CSMD3: variants seen among roughly 807,000 people sequenced by gnomAD.
The protein encoded by CSMD3 is CUB and Sushi multiple domains 3, also known as CUB and sushi domain-containing protein 3.
A neutral mutation model predicts 435.2 loss-of-function variants in CSMD3; 177 were observed. The ratio of observed to expected loss-of-function variants is 0.41; its 90% CI spans 0.36 to 0.46. The LOEUF (loss-of-function observed/expected upper bound fraction) is 0.46. Ranked by LOEUF, CSMD3 falls within the 20% of genes least tolerant of loss-of-function variation. CSMD3 has a pLI of 0.34. For synonymous variants in CSMD3, 1,656 were observed against 1,520.5 expected (o/e 1.09, Z -2.07); for missense variants, 4,265 against 4,504.6 (o/e 0.95, Z 1.52).
At chr8:112,787,748 T>C (rs949107539) in intron 13 of CSMD3, among the ~76,000 whole-genome samples, 2 of 151,970 alleles carry the variant, frequency 1.3e-5, no homozygotes, top group Non-Finnish European at 2.9e-5. Flanking sequence ...ACAGTTGAAC[T>C]CATGGAGATA....
chr8:112,369,572 T>C (rs1828122383), intron 38 of CSMD3, among the ~76,000 whole-genome samples: 1 of 152,088 alleles, frequency 6.6e-6, no homozygotes, highest in Non-Finnish European at 1.5e-5. Context: ...GGGACATGGA[T>C]GAAGCTGGAA....
rs543725208 is a variant in CSMD3, at chr8:112,782,006, T to A, written c.1972+18156A>T. Among the ~76,000 whole-genome samples the A allele has an allele frequency of 7.9e-5, 12 of 152,222 alleles. No homozygotes were observed. The South Asian group carries it at 2.3e-3, about 29-fold the overall frequency. On this transcript the variant is annotated intron_variant, in intron 13 of 70. Coordinates refer to ENST00000297405, the MANE Select transcript of CSMD3 (RefSeq NM_198123.2). The stretch of plus-strand genomic sequence containing the variant: ...CAAGCCCAGACTGTGAAGATTGCAA[T>A]AAATACCTAACTCTTCAATGCCCAG...
At chr8:112,266,206 A>G (rs533044076) in intron 59 of CSMD3, among the ~76,000 whole-genome samples, 1 of 152,104 alleles carries the variant, frequency 6.6e-6, no homozygotes, top group African/African-American at 2.4e-5. Flanking sequence ...AATATATCCA[A>G]CTCTGACGAT....
intron 5 of CSMD3, among the ~76,000 whole-genome samples, chr8:113,032,204 C>T (rs2087140579): frequency 6.6e-6 from 1 of 151,556 alleles, no homozygotes; most frequent in African/African-American, 2.4e-5. Context: ...GAGGAAGCGA[C>T]TTTGGAAGTG....
intron 32 of CSMD3, among the ~76,000 whole-genome samples, chr8:112,419,980 C>A (rs977365959): frequency 5.3e-5 from 8 of 152,044 alleles, no homozygotes; most frequent in Non-Finnish European, 1.2e-4. Context: ...GTTATTAGCA[C>A]TTTTGTTTTG....
At chr8:112,310,500 T>C (rs1821872489) in intron 50 of CSMD3, 1 of 206,570 alleles carries the variant, frequency 4.8e-6, no homozygotes, top group Admixed American at 5.3e-5. Flanking sequence ...TCTGTTGTGT[T>C]ATCTGTACCA....
At chr8:113,172,384 T>C (rs534569838) in intron 4 of CSMD3, among the ~76,000 whole-genome samples, 161 of 152,286 alleles carry the variant, frequency 1.1e-3, no homozygotes, top group African/African-American at 3.7e-3. Context: ...TAGCAGTTAT[T>C]CAATATTAGT....
chr8:113,370,765 A>G (rs180774397), intron 1 of CSMD3, among the ~76,000 whole-genome samples: 47 of 152,032 alleles, frequency 3.1e-4, no homozygotes, highest in African/African-American at 1.0e-3. Context: ...TTACACCAAC[A>G]TGCCATGTTT....
chr8:112,956,175 T>G (rs974305379), intron 7 of CSMD3, among the ~76,000 whole-genome samples: 13 of 152,126 alleles, frequency 8.5e-5, no homozygotes, highest in African/African-American at 2.2e-4. Context: ...TTTTTTCTCT[T>G]AAATAAGCAG....
Position 112,289,448 on chromosome 8 carries a change from G to T in CSMD3, c.9065C>A (p.Thr3022Lys), listed in dbSNP as rs751017962. 4 of 1,613,324 alleles carry T rather than the reference G, an allele frequency of 2.5e-6. No homozygotes were observed. The highest frequency in any genetic ancestry group is 3.4e-6 in the Non-Finnish European group (4 of 1,179,536). The change falls in exon 57 of 71, where the codon ACA becomes AAA. Residue 3022 changes from threonine (T) to lysine (K), a missense_variant. Coordinates refer to ENST00000297405, the MANE Select transcript of CSMD3 (RefSeq NM_198123.2). ...TFGSTVHYSC[T>K]GKRSLLGQSS... is the part of the protein sequence containing the mutation. ...CTGGCCTAAAAGGGAACGCTTTCCT[G>T]TGCAGGAATAGTGAACAGTAGACCC...
At position 112,856,027 on chromosome 8, in the gene CSMD3, C is replaced by T. The variant is rs115066961; in HGVS notation, c.1755+3118G>A. Reference sequence around the variant, plus strand: ...GAACAAACAGATTGAGGTATGTCTTCAGTCTTCATTTCACACATGGAGCTA... The same window carrying T: ...GAACAAACAGATTGAGGTATGTCTTTAGTCTTCATTTCACACATGGAGCTA... On this transcript the variant is annotated intron_variant, in intron 11 of 70. Coordinates refer to ENST00000297405, the MANE Select transcript of CSMD3 (RefSeq NM_198123.2). Among the ~76,000 whole-genome samples, 794 of 151,984 alleles carry T rather than the reference C, an allele frequency of 5.2e-3. 15 individuals are homozygous for T. The highest frequency in any genetic ancestry group is 0.018 in the African/African-American group (767 of 41,530).
At chr8:112,867,125 A>G (rs1461017968) in intron 10 of CSMD3, among the ~76,000 whole-genome samples, 2 of 152,156 alleles carry the variant, frequency 1.3e-5, no homozygotes, top group African/African-American at 4.8e-5. Flanking sequence ...TGAGATTCGG[A>G]TGTTGAGAGA....
At chr8:112,806,501 C>CA (rs1378474026) in intron 12 of CSMD3, among the ~76,000 whole-genome samples, 11 of 152,104 alleles carry the variant, frequency 7.2e-5, no homozygotes, top group African/African-American at 2.4e-4. Flanking sequence ...CTTACAAGTG[C>CA]AAAAAATCCA....
chr8:113,269,913 C>A (rs1349614126), intron 3 of CSMD3, among the ~76,000 whole-genome samples: 1 of 151,794 alleles, frequency 6.6e-6, no homozygotes, highest in East Asian at 1.9e-4. Context: ...GCAAGGACTT[C>A]ATGTCTAAAA....
rs574082399 is a variant in CSMD3, at chr8:112,484,837, T to C, written c.5278+7652A>G. Among the ~76,000 whole-genome samples, 21 of 152,162 alleles carry C rather than the reference T, an allele frequency of 1.4e-4. 1 individual carries two copies. The South Asian group carries it at 4.2e-3, about 30-fold the overall frequency. ...CATTTTGGATTTGGGATTTTCAGATTAGGGGTGTTCAACTGGTAAGTATAA... is the reference window on the plus strand; with the variant it reads ...CATTTTGGATTTGGGATTTTCAGATCAGGGGTGTTCAACTGGTAAGTATAA... On this transcript the variant is annotated intron_variant, in intron 31 of 70. Coordinates refer to ENST00000297405, the MANE Select transcript of CSMD3 (RefSeq NM_198123.2).
rs1564000272 is a variant in CSMD3, at chr8:112,827,164, A to ATATATATATATATATATAT, written c.1859+2521_1859+2522insATATATATATATATATATA. Among the ~76,000 whole-genome samples, 16 of 82,834 alleles carry ATATATATATATATATATAT rather than the reference A, an allele frequency of 1.9e-4. 5 individuals carry two copies. The highest frequency in any genetic ancestry group is 2.4e-4 in the Non-Finnish European group (11 of 45,280). The allele number at this position is 82,834 out of a possible 152,430, so 54.3% of individuals were successfully genotyped here. The stretch of plus-strand genomic sequence containing the variant: ...TTCTGTATTTTACTAGGTTACCATA[A>ATATATATATATATATATAT]ATATATATATATATATATATATATA... On this transcript the variant is annotated intron_variant, in intron 12 of 70. Transcript: ENST00000297405.
chr8:112,502,501 C>T (rs1822073572), intron 30 of CSMD3, among the ~76,000 whole-genome samples: 1 of 152,186 alleles, frequency 6.6e-6, no homozygotes, highest in Admixed American at 6.5e-5. Flanking sequence ...TCGGAGGACT[C>T]CAAGCCTCTG....
chr8:112,324,588 T>C (rs1823319950), intron 45 of CSMD3, among the ~76,000 whole-genome samples: 1 of 151,662 alleles, frequency 6.6e-6, no homozygotes, highest in Non-Finnish European at 1.5e-5. Context: ...TGTGGGTGTG[T>C]GTGTGTGTGT....
In CSMD3 at chr8:112,910,837, C is replaced by T. The variant is rs2082391494; in HGVS notation, c.1633+10790G>A. ...TATTAGCCATGTGGCTTATACATCA[C>T]TAATTCCAGTGAAAACGATTTTACC... On this transcript the variant is annotated intron_variant, in intron 10 of 70. Transcript: ENST00000297405. 2.6e-5 allele frequency among the ~76,000 whole-genome samples: 4 copies of T among 152,056 alleles called. No homozygotes were observed. In the South Asian group the frequency reaches 8.3e-4, roughly 31 times the overall value.
Sources: allele counts gnomAD v4.1 joint callset (sites outside exome capture counted in the v4.1 genomes callset), GRCh38; gene constraint gnomAD v4.1.1; transcripts MANE v1.5; gene names NCBI Gene and HGNC (gene_info 2026-07-23, HGNC 2026-07-21).